EYS: variants seen among roughly 807,000 people sequenced by gnomAD.
EYS encodes the protein EGF-like photoreceptor maintenance factor.
In EYS, 250 loss-of-function variants were observed where a neutral mutation model predicts 282.1. The ratio of observed to expected loss-of-function variants is 0.89; its 90% confidence interval spans 0.80 to 0.98. EYS has a LOEUF of 0.98. EYS is among the 50% of genes least tolerant of loss of function. The pLI is 0.00. For synonymous variants in EYS, 1,355 were observed against 1,282.9 expected, an observed-to-expected ratio of 1.06 and a Z score of -1.20; for missense variants, 4,016 against 3,709.0, an observed-to-expected ratio of 1.08 and a Z score of -2.15.
At chr6:64,228,855 A>AT (rs1430172415) in intron 31 of EYS, among the ~76,000 whole-genome samples, 1 of 152,182 alleles carries the variant, frequency 6.6e-6, no homozygotes, top group Non-Finnish European at 1.5e-5. Flanking sequence ...GAAGTGTTAA[A>AT]GATACTAGGT....
chr6:64,242,636 A>T (rs571383944), intron 30 of EYS, among the ~76,000 whole-genome samples: 2 of 151,764 alleles, frequency 1.3e-5, no homozygotes, highest in African/African-American at 4.8e-5. Flanking sequence ...TATTTGTATC[A>T]TCCCACTTTT....
chr6:65,543,949 T>C (rs1415711753), intron 2 of EYS, among the ~76,000 whole-genome samples: 1 of 151,594 alleles, frequency 6.6e-6, no homozygotes, highest in East Asian at 1.9e-4. Flanking sequence ...GAGTGAAAAA[T>C]TTCAGTGTGA....
intron 26 of EYS, among the ~76,000 whole-genome samples, chr6:64,465,952 T>C (rs1775902698): frequency 1.3e-5 from 2 of 152,044 alleles, no homozygotes; most frequent in South Asian, 2.1e-4. Flanking sequence ...AGGGCATGAA[T>C]AGACTCTTCT....
At chr6:64,475,550 C>CAAAAAA (rs56710433) in intron 26 of EYS, among the ~76,000 whole-genome samples, 17 of 43,680 alleles carry the variant, frequency 3.9e-4, no homozygotes, top group African/African-American at 6.1e-4. Context: ...GACTCCGTCT[C>CAAAAAA]AAAAAAAAAA....
chr6:64,109,377 G>A (rs145600791), intron 31 of EYS, among the ~76,000 whole-genome samples: 1,678 of 151,522 alleles, frequency 0.011, 26 homozygotes, highest in African/African-American at 0.038. Flanking sequence ...TCATCTGTCC[G>A]TTCTATTTCT....
chr6:64,230,412 T>G (rs886721319), intron 31 of EYS, among the ~76,000 whole-genome samples, 180 bp downstream of exon 31: 1 of 152,304 alleles, frequency 6.6e-6, no homozygotes, highest in Admixed American at 6.5e-5. Context: ...ACATCTTAGG[T>G]TTGCTTCTAC....
intron 37 of EYS, among the ~76,000 whole-genome samples, chr6:63,792,521 T>C (rs1770542373): frequency 6.6e-6 from 1 of 152,096 alleles, no homozygotes. Context: ...TACACCAACA[T>C]TGCACATGTA....
chr6:65,569,402 G>A (rs904740382), intron 2 of EYS, among the ~76,000 whole-genome samples: 9 of 152,112 alleles, frequency 5.9e-5, no homozygotes, highest in Non-Finnish European at 7.4e-5. Context: ...CTCTTCACAC[G>A]GACACCAGTG....
intron 35 of EYS, among the ~76,000 whole-genome samples, chr6:63,979,986 T>C (rs922646635): frequency 1.3e-5 from 2 of 151,918 alleles, no homozygotes; most frequent in Non-Finnish European, 2.9e-5. Flanking sequence ...ATTACATTCA[T>C]AGACAGTGTA....
intron 41 of EYS, among the ~76,000 whole-genome samples, chr6:63,739,229 T>G (rs145708895): frequency 3.2e-4 from 48 of 152,288 alleles, no homozygotes; most frequent in Middle Eastern, 6.8e-3. Context: ...GTTATTTTTC[T>G]AGAAGCAGAC....
At chr6:64,135,494 A>G (rs576180825) in intron 31 of EYS, among the ~76,000 whole-genome samples, 1 of 150,334 alleles carries the variant, frequency 6.7e-6, no homozygotes, top group African/African-American at 2.4e-5. Flanking sequence ...TAAAATAAAT[A>G]ATTAAACGAG....
At chr6:65,692,567 T>A (rs1769282899) in intron 1 of EYS, among the ~76,000 whole-genome samples, 1 of 150,174 alleles carries the variant, frequency 6.7e-6, no homozygotes, top group Non-Finnish European at 1.5e-5. Flanking sequence ...ATATTATAAT[T>A]GTAAAAGATG....
chr6:63,903,887 A>G (rs890265836), intron 35 of EYS, among the ~76,000 whole-genome samples: 2 of 152,232 alleles, frequency 1.3e-5, no homozygotes, highest in African/African-American at 4.8e-5. Context: ...AGGACACACA[A>G]AAGACTGTAG....
intron 12 of EYS, among the ~76,000 whole-genome samples, chr6:65,220,547 C>T (rs190041524): frequency 1.3e-3 from 196 of 152,214 alleles, no homozygotes; most frequent in African/African-American, 3.9e-3. Context: ...CCCCAGCATG[C>T]GGAACTGTGA....
intron 26 of EYS, among the ~76,000 whole-genome samples, chr6:64,520,184 GC>G (rs1777687270): frequency 6.6e-6 from 1 of 151,640 alleles, no homozygotes; most frequent in Admixed American, 6.6e-5. Flanking sequence ...TTGTCAGCTG[GC>G]TAGGGTGTTC....
intron 31 of EYS, among the ~76,000 whole-genome samples, chr6:64,153,775 C>G (rs1229063880): frequency 2.0e-5 from 3 of 152,280 alleles, no homozygotes; most frequent in Non-Finnish European, 4.4e-5. Flanking sequence ...CCCTTTGATA[C>G]AGCAATTTTA....
rs553479604 is a variant in EYS at position 64,011,772 on chromosome 6, T to TA, written c.6726-12590dup. Among the ~76,000 whole-genome samples the TA allele has an allele frequency of 4.9e-4, 75 of 152,312 alleles. 1 individual carries two copies. Among genetic ancestry groups the TA allele is most frequent in the Middle Eastern group, 6.8e-3 (2 of 294 alleles). ...AGGTGTGTGAAACCTAGTTCATGTA[T>TA]AATTGCAGCATGAAGCCATGATGTA... is the stretch of plus-strand genomic sequence containing the variant. On this transcript the variant is annotated intron_variant, in intron 33 of 42. Coordinates refer to ENST00000503581, the MANE Select transcript of EYS (RefSeq NM_001142800.2).
intron 26 of EYS, among the ~76,000 whole-genome samples, chr6:64,531,430 C>T (rs1400529226): frequency 1.3e-5 from 2 of 150,468 alleles, no homozygotes; most frequent in African/African-American, 4.9e-5. Flanking sequence ...CTCTGTTGCC[C>T]ACCTGGAGTG....
chr6:64,540,431 A>C (rs941539957), intron 26 of EYS, among the ~76,000 whole-genome samples: 11 of 150,414 alleles, frequency 7.3e-5, no homozygotes, highest in African/African-American at 2.7e-4. Flanking sequence ...CCCCACCCTC[A>C]CATGATAAAG....
Sources: allele counts gnomAD v4.1 joint callset (sites outside exome capture counted in the v4.1 genomes callset), GRCh38; gene constraint gnomAD v4.1.1; transcripts MANE v1.5; gene names NCBI Gene and HGNC (gene_info 2026-07-23, HGNC 2026-07-21).